Variants in AR observed in about 807,000 individuals in gnomAD.
AR encodes dihydrotestosterone receptor.
Under a neutral mutation model 53.9 loss-of-function variants are expected in AR, and 8 were observed. The ratio of observed to expected loss-of-function variants is 0.15; its 90% CI spans 0.09 to 0.27. The LOEUF (loss-of-function observed/expected upper bound fraction) is 0.27, where lower values mean the gene tolerates loss of function less well. Ranked by LOEUF, AR falls within the 10% of genes least tolerant of loss-of-function variation. The probability of loss-of-function intolerance (pLI) is 1.00; values close to 1 mark genes in which losing one functional copy is unlikely to be tolerated. For synonymous variants in AR, 359 were observed against 316.4 expected (o/e 1.13, Z -1.43); for missense variants, 639 against 742.5 (o/e 0.86, Z 1.62).
intron 1 of AR, among the ~76,000 whole-genome samples, chrX:67,630,236 G>C (rs1351345277): frequency 1.8e-5 from 2 of 110,699 alleles, no homozygotes; most frequent in Non-Finnish European, 3.8e-5. Context: ...TTGACAGTGG[G>C]GTGTTAAAGT....
chrX:67,719,695 A>T (rs577815255), intron 5 of AR, among the ~76,000 whole-genome samples: 3 of 112,267 alleles, frequency 2.7e-5, no homozygotes, highest in East Asian at 5.6e-4. Flanking sequence ...TATGGTTAAC[A>T]TACCTGGCAC....
intron 3 of AR, among the ~76,000 whole-genome samples, chrX:67,701,107 C>A (rs1479028118): frequency 1.8e-5 from 2 of 111,834 alleles, no homozygotes; most frequent in Non-Finnish European, 3.8e-5. Context: ...TATAATACAG[C>A]CACTAACTAC....
chrX:67,642,602 C>T (rs776236780), intron 1 of AR, among the ~76,000 whole-genome samples: 25 of 110,755 alleles, frequency 2.3e-4, no homozygotes, highest in Non-Finnish European at 4.0e-4. Context: ...TGGAATCTGG[C>T]GGATGTCCAT....
intron 4 of AR, among the ~76,000 whole-genome samples, chrX:67,716,702 G>A (rs1320119255): frequency 9.0e-6 from 1 of 111,587 alleles, no homozygotes; most frequent in Admixed American, 9.5e-5. Context: ...GTGAACAGGT[G>A]GCAGTGGCTG....
At chrX:67,559,652 T>C (rs1405209199) in intron 1 of AR, among the ~76,000 whole-genome samples, 1 of 112,517 alleles carries the variant, frequency 8.9e-6, no homozygotes, top group Admixed American at 9.4e-5. Flanking sequence ...ATGATAACTA[T>C]TTCAGCATTT....
chrX:67,629,473 C>T (rs1438569874), intron 1 of AR, among the ~76,000 whole-genome samples: 9 of 106,082 alleles, frequency 8.5e-5, no homozygotes, highest in Admixed American at 2.0e-4. Flanking sequence ...TCTGTGGGAT[C>T]GGTGGTGATA....
At chrX:67,658,959 G>T (rs1019832340) in intron 2 of AR, among the ~76,000 whole-genome samples, 4 of 111,857 alleles carry the variant, frequency 3.6e-5, no homozygotes, top group African/African-American at 1.3e-4. Context: ...GAGATAGGTG[G>T]CTGTGTTTAG....
At chrX:67,598,875 G>C (rs1373301227) in intron 1 of AR, among the ~76,000 whole-genome samples, 1 of 110,386 alleles carries the variant, frequency 9.1e-6, no homozygotes, top group East Asian at 2.8e-4. Context: ...TTCACCAAGA[G>C]ATTCCTAAGT....
chrX:67,638,870 C>T (rs1925594024), intron 1 of AR, among the ~76,000 whole-genome samples: 1 of 111,888 alleles, frequency 8.9e-6, no homozygotes, highest in South Asian at 3.7e-4. Context: ...GTTGCCATTG[C>T]TTTTGGTGTT....
At chrX:67,694,418 G>A (rs947222106) in intron 3 of AR, among the ~76,000 whole-genome samples, 1 of 109,086 alleles carries the variant, frequency 9.2e-6, no homozygotes, top group Admixed American at 1.0e-4. Flanking sequence ...TATATATATA[G>A]TATATTTGTC....
intron 6 of AR, among the ~76,000 whole-genome samples, chrX:67,722,479 T>C (rs2076139968): frequency 8.9e-6 from 1 of 112,293 alleles, no homozygotes; most frequent in African/African-American, 3.2e-5. Flanking sequence ...AAGGGCAAAA[T>C]TTGATATTCA....
intron 3 of AR, among the ~76,000 whole-genome samples, chrX:67,688,608 C>T (rs967375311): frequency 7.2e-5 from 8 of 111,197 alleles, no homozygotes; most frequent in Admixed American, 4.8e-4. Context: ...TTACCTCAAA[C>T]GAAAAAGTAC....
intron 2 of AR, among the ~76,000 whole-genome samples, chrX:67,674,550 G>A (rs1178484135): frequency 4.5e-5 from 5 of 110,941 alleles, no homozygotes; most frequent in Non-Finnish European, 9.5e-5. Context: ...TTGTCCTCAA[G>A]CAAAGGAGTC....
chrX:67,639,992 C>A (rs1291943440), intron 1 of AR, among the ~76,000 whole-genome samples: 1 of 111,243 alleles, frequency 9.0e-6, no homozygotes, highest in African/African-American at 3.3e-5. Flanking sequence ...AGATATATTC[C>A]ATCAATACCT....
In AR at chrX:67,546,514, TGGCGGCGGCGGCGGCGGCGGCGGCGGC is replaced by T. The variant is rs746853821; in HGVS notation, c.1394_1420del (p.Gly465_Gly473del). 1,347 of 559,145 alleles carry T rather than the reference TGGCGGCGGCGGCGGCGGCGGCGGCGGC, an allele frequency of 2.4e-3. 141 individuals carry two copies. In the South Asian group the frequency reaches 0.032, roughly 13 times the overall value. The allele number at this position is 559,145 out of a possible 1,213,427, so 46.1% of individuals were successfully genotyped here. A position where few individuals can be genotyped will look rare whatever the true frequency, so the allele number is the denominator to read the frequency against. On this transcript the variant is annotated inframe_deletion, in exon 1 of 8. Coordinates refer to ENST00000374690, the MANE Select transcript of AR (RefSeq NM_000044.6). ...GACCGTGTGGTGGTGGTGGGGGTGG[TGGCGGCGGCGGCGGCGGCGGCGGCGGC>T]GGCGGCGGCGGCGGCGGCGGCGGCG...
In AR at chrX:67,723,727, C is replaced by T. The variant is rs2147540339; in HGVS notation, c.2649C>T (p.Ile883=). The change falls in exon 8 of 8, where the codon ATC becomes ATT. Residue 883 remains isoleucine, a synonymous_variant. Coordinates refer to ENST00000374690, the MANE Select transcript of AR (RefSeq NM_000044.6). ...ATCAGTTCACTTTTGACCTGCTAAT[C>T]AAGTCACACATGGTGAGCGTGGACT... ...ELHQFTFDLL[I]KSHMVSVDFP... 1 of 1,210,774 alleles carries T rather than the reference C, an allele frequency of 8.3e-7. No homozygotes were observed.
intron 1 of AR, among the ~76,000 whole-genome samples, chrX:67,622,284 C>T (rs1280545468): frequency 9.0e-6 from 1 of 110,649 alleles, no homozygotes; most frequent in Non-Finnish European, 1.9e-5. Flanking sequence ...CTAGTCGTCC[C>T]ATGGCTGATT....
At chrX:67,550,754 C>G (rs1176841825) in intron 1 of AR, among the ~76,000 whole-genome samples, 1 of 109,848 alleles carries the variant, frequency 9.1e-6, no homozygotes, top group Non-Finnish European at 1.9e-5. Flanking sequence ...ACCATTTTCT[C>G]TTTGTCTGCA....
rs749725571 is a variant in AR at position 67,668,352 on chromosome X, C to T, written c.1769-17658C>T. On this transcript the variant is annotated intron_variant, in intron 2 of 7. Coordinates refer to ENST00000374690, the MANE Select transcript of AR (RefSeq NM_000044.6). ...CTTTTTGTCTTTCATTCTGTTGATA[C>T]GATGTATCACACTGATTGACTTGTG... Among the ~76,000 whole-genome samples, 10 of 111,943 alleles carry T rather than the reference C, an allele frequency of 8.9e-5. No homozygotes were observed. In the South Asian group the frequency reaches 2.2e-3, roughly 25 times the overall value.
Sources: gnomAD v4.1 joint callset for allele counts (sites outside exome capture counted in the v4.1 genomes callset) on GRCh38, gnomAD v4.1.1 for gene constraint, MANE v1.5 for transcripts, NCBI Gene and HGNC (gene_info 2026-07-23, HGNC 2026-07-21) for gene names.